The following ERBB4 variants were observed in gnomAD, a reference collection of about 807,000 sequenced individuals.
ERBB4 encodes the protein erb-b2 receptor tyrosine kinase 4.
Under a neutral mutation model 158.0 loss-of-function variants are expected in ERBB4, and 42 were observed. The ratio of observed to expected loss-of-function variants is 0.27; its 90% CI spans 0.21 to 0.34. ERBB4 has a LOEUF of 0.34. Among genes scored for constraint, ERBB4 ranks in the 10% least tolerant of loss-of-function variants. The pLI is 1.00. For missense variants in ERBB4, 1,333 were observed against 1,624.1 expected (o/e 0.82, Z 3.08); for synonymous variants, 583 against 558.7 (o/e 1.04, Z -0.61).
intron 25 of ERBB4, among the ~76,000 whole-genome samples, chr2:211,398,609 G>A (rs935133585): frequency 6.6e-6 from 1 of 152,074 alleles, no homozygotes; most frequent in African/African-American, 2.4e-5. Context: ...TTGGGAGGCC[G>A]AGGCGGGCAG....
At chr2:212,165,555 GA>G (rs1025524209) in intron 1 of ERBB4, among the ~76,000 whole-genome samples, 4 of 152,048 alleles carry the variant, frequency 2.6e-5, no homozygotes, top group Non-Finnish European at 4.4e-5. Flanking sequence ...TAGCTTCTAA[GA>G]AAGCTTTTTT....
chr2:212,106,477 A>T (rs1326543071), intron 2 of ERBB4, among the ~76,000 whole-genome samples: 1 of 152,248 alleles, frequency 6.6e-6, no homozygotes, highest in East Asian at 1.9e-4. Flanking sequence ...AGGTGCTGTT[A>T]AAAGCATTTA....
intron 1 of ERBB4, among the ~76,000 whole-genome samples, chr2:212,268,282 G>T (rs1362369110): frequency 6.6e-6 from 1 of 151,756 alleles, no homozygotes; most frequent in Non-Finnish European, 1.5e-5. Flanking sequence ...GATTTAATGA[G>T]ATAGAAATGA....
intron 20 of ERBB4, among the ~76,000 whole-genome samples, chr2:211,556,427 G>C (rs1463925157): frequency 6.6e-6 from 1 of 152,142 alleles, no homozygotes; most frequent in East Asian, 1.9e-4. Flanking sequence ...TTCAGCACTA[G>C]ATTAAATGGA....
chr2:212,505,807 C>G lies in ERBB4; in HGVS notation c.82+32642G>C, dbSNP rs1050352412. 2.7e-5 allele frequency among the ~76,000 whole-genome samples: 4 copies of G among 148,950 alleles called. 1 individual carries two copies. Among genetic ancestry groups the G allele is most frequent in the Non-Finnish European group, 6.1e-5 (4 of 66,048 alleles). On this transcript the variant is annotated intron_variant, in intron 1 of 27. Transcript: ENST00000342788. ...CATGAGTAATAAAAGTCCTTTGTTTCTGACTCAGTACTCTCATATCTTCTG... is the reference window on the plus strand; with the variant it reads ...CATGAGTAATAAAAGTCCTTTGTTTGTGACTCAGTACTCTCATATCTTCTG...
intron 1 of ERBB4, among the ~76,000 whole-genome samples, chr2:212,459,986 GA>G (rs1688491818): frequency 6.6e-6 from 1 of 152,132 alleles, no homozygotes; most frequent in East Asian, 1.9e-4. Flanking sequence ...AACCTGATGG[GA>G]AGTAACTGAA....
intron 2 of ERBB4, among the ~76,000 whole-genome samples, chr2:212,070,277 T>C (rs1412780872): frequency 2.1e-5 from 3 of 144,978 alleles, no homozygotes; most frequent in Admixed American, 1.4e-4. Context: ...CAATACTTCT[T>C]AAATTGATCT....
chr2:211,616,315 C>G lies in ERBB4; in HGVS notation c.2301+2862G>C, dbSNP rs73988620. The stretch of plus-strand genomic sequence containing the variant: ...AACGGCAGCTAGCTTTATTAGTTCT[C>G]CTGTCTTATTTCTAAACTCCCCCAT... On this transcript the variant is annotated intron_variant, in intron 19 of 27. Transcript: ENST00000342788. Among the ~76,000 whole-genome samples the G allele has an allele frequency of 4.1e-3, 624 of 152,164 alleles. 4 individuals are homozygous for G. The highest frequency in any genetic ancestry group is 0.014 in the African/African-American group (592 of 41,550).
chr2:211,660,983 A>G (rs1235696537), intron 15 of ERBB4, among the ~76,000 whole-genome samples: 1 of 152,158 alleles, frequency 6.6e-6, no homozygotes, highest in African/African-American at 2.4e-5. Flanking sequence ...TGTCATGGTC[A>G]CTAGAATTTA....
chr2:211,843,203 T>C lies in ERBB4; in HGVS notation c.422-55044A>G, dbSNP rs139536242. Among the ~76,000 whole-genome samples the C allele has an allele frequency of 1.5e-3, 226 of 152,298 alleles. 1 individual carries two copies. The highest frequency in any genetic ancestry group is 5.2e-3 in the African/African-American group (216 of 41,570). ...TTTTAATGACTTGCCTCTACTGATA[T>C]TTCCTTTTTGACTTTCACTATTTAT... On this transcript the variant is annotated intron_variant, in intron 3 of 27. Coordinates refer to ENST00000342788, the MANE Select transcript of ERBB4 (RefSeq NM_005235.3).
chr2:212,469,248 C>A (rs1688996321), intron 1 of ERBB4, among the ~76,000 whole-genome samples: 1 of 152,078 alleles, frequency 6.6e-6, no homozygotes, highest in African/African-American at 2.4e-5. Flanking sequence ...ATAAAATAAT[C>A]TTTTAAATGT....
chr2:212,169,322 A>G (rs2081440746), intron 1 of ERBB4, among the ~76,000 whole-genome samples: 1 of 152,160 alleles, frequency 6.6e-6, no homozygotes, highest in African/African-American at 2.4e-5. Flanking sequence ...CATATAGTAT[A>G]ATAATATTCA....
At position 212,346,783 on chromosome 2, in the gene ERBB4, G is replaced by A. The variant is rs1482498314; in HGVS notation, c.82+191666C>T. 3.9e-5 allele frequency among the ~76,000 whole-genome samples: 6 copies of A among 152,058 alleles called. No homozygotes were observed. In the East Asian group the frequency reaches 1.2e-3, roughly 29 times the overall value. On this transcript the variant is annotated intron_variant, in intron 1 of 27. Coordinates refer to ENST00000342788, the MANE Select transcript of ERBB4 (RefSeq NM_005235.3). ...ATGCACAGGAAGGAGCCTACCATTT[G>A]TAATTCTGAGGGCCAAGGTACTTAG...
chr2:211,998,390 A>G (rs7424635), intron 2 of ERBB4, among the ~76,000 whole-genome samples: 16,221 of 151,818 alleles, frequency 0.11, 1,362 homozygotes, highest in African/African-American at 0.23. Flanking sequence ...CTTTATGTAC[A>G]TTATCTTACT....
chr2:212,272,498 G>T (rs2085379100), intron 1 of ERBB4, among the ~76,000 whole-genome samples: 1 of 151,708 alleles, frequency 6.6e-6, no homozygotes, highest in Admixed American at 6.6e-5. Context: ...ATGCTCACAG[G>T]TTTTCTCTCT....
At chr2:211,571,096 G>A (rs1316786099) in intron 19 of ERBB4, among the ~76,000 whole-genome samples, 1 of 123,014 alleles carries the variant, frequency 8.1e-6, no homozygotes, top group Non-Finnish European at 1.6e-5. Context: ...AGGCTGGAAT[G>A]CAGTGGCACA....
At chr2:211,576,224 A>G (rs2125757059) in intron 19 of ERBB4, among the ~76,000 whole-genome samples, 1 of 152,280 alleles carries the variant, frequency 6.6e-6, no homozygotes, top group Non-Finnish European at 1.5e-5. Flanking sequence ...CCTTTGTTTC[A>G]GGGGGCTGAG....
At chr2:211,761,555 TCAAA>T (rs1424543471) in intron 4 of ERBB4, among the ~76,000 whole-genome samples, 1 of 152,224 alleles carries the variant, frequency 6.6e-6, no homozygotes, top group Non-Finnish European at 1.5e-5. Flanking sequence ...ATGTTTCTAG[TCAAA>T]CATTTTTGTT....
chr2:211,675,028 T>C (rs1166371448), intron 13 of ERBB4, among the ~76,000 whole-genome samples: 1 of 152,266 alleles, frequency 6.6e-6, no homozygotes, highest in East Asian at 1.9e-4. Flanking sequence ...TGATTTTTCC[T>C]GCTCTCAGAA....
Sources: gnomAD v4.1 joint callset for allele counts (sites outside exome capture counted in the v4.1 genomes callset) on GRCh38, gnomAD v4.1.1 for gene constraint, MANE v1.5 for transcripts, NCBI Gene and HGNC (gene_info 2026-07-23, HGNC 2026-07-21) for gene names.